The following DLGAP1 variants were observed in gnomAD, a reference collection of about 807,000 sequenced individuals.
DLGAP1 encodes the protein DLG associated protein 1.
DLGAP1 carries 11 observed loss-of-function variants against 90.8 expected under a neutral mutation model. The ratio of observed to expected loss-of-function variants is 0.12; its 90% CI spans 0.08 to 0.20. DLGAP1 has a LOEUF of 0.20. Among genes scored for constraint, DLGAP1 ranks in the 10% least tolerant of loss-of-function variants. The pLI is 1.00. For synonymous variants in DLGAP1, 558 were observed against 540.7 expected, an observed-to-expected ratio of 1.03 and a Z score of -0.44; for missense variants, 1,050 against 1,333.8, an observed-to-expected ratio of 0.79 and a Z score of 3.31.
At chr18:4,166,032 G>T (rs559153610) in intron 1 of DLGAP1, among the ~76,000 whole-genome samples, 1 of 152,112 alleles carries the variant, frequency 6.6e-6, no homozygotes, top group Non-Finnish European at 1.5e-5. Context: ...GGTGGCATGT[G>T]CCTGCAGTAC....
intron 2 of DLGAP1, among the ~76,000 whole-genome samples, chr18:4,047,739 T>C (rs1023711172): frequency 2.6e-5 from 4 of 152,214 alleles, no homozygotes; most frequent in Admixed American, 2.6e-4. Context: ...TGAATCTGCT[T>C]ATCACCTGTA....
intron 1 of DLGAP1, among the ~76,000 whole-genome samples, chr18:4,401,108 T>C (rs1394980285): frequency 6.6e-6 from 1 of 152,204 alleles, no homozygotes; most frequent in Non-Finnish European, 1.5e-5. Context: ...TGACACACTA[T>C]TACTAATGTC....
At chr18:4,345,736 C>T (rs2081291328) in intron 1 of DLGAP1, among the ~76,000 whole-genome samples, 1 of 152,210 alleles carries the variant, frequency 6.6e-6, no homozygotes, top group Non-Finnish European at 1.5e-5. Context: ...AATCGATGTT[C>T]AATGCCTTTT....
At chr18:3,562,369 C>T (rs915119611) in intron 9 of DLGAP1, among the ~76,000 whole-genome samples, 5 of 152,010 alleles carry the variant, frequency 3.3e-5, no homozygotes, top group African/African-American at 1.2e-4. Context: ...CAAATCTCAT[C>T]TTGAATTGTA....
chr18:4,024,536 C>T lies in DLGAP1; in HGVS notation c.-158-19335G>A, dbSNP rs367602257. ...AAATTCCCCTCTTAACACTTATGCT[C>T]GGAGTGACATGTCTGTTCGTGCTCA... is the stretch of plus-strand genomic sequence containing the variant. On this transcript the variant is annotated intron_variant, in intron 2 of 12. Coordinates refer to ENST00000315677, the MANE Select transcript of DLGAP1 (RefSeq NM_004746.4). Among the ~76,000 whole-genome samples the T allele has an allele frequency of 1.8e-4, 28 of 152,256 alleles. No individual in the cohort carries two copies. The East Asian group carries it at 1.9e-3, about 11-fold the overall frequency.
At chr18:4,426,196 C>G (rs2083148586) in intron 1 of DLGAP1, among the ~76,000 whole-genome samples, 2 of 152,174 alleles carry the variant, frequency 1.3e-5, no homozygotes, top group African/African-American at 2.4e-5. Context: ...GCTGCTGATC[C>G]TTTCTTGTAG....
intron 2 of DLGAP1, among the ~76,000 whole-genome samples, chr18:4,104,784 G>A (rs2143916545): frequency 6.6e-6 from 1 of 152,232 alleles, no homozygotes; most frequent in East Asian, 1.9e-4. Flanking sequence ...GTTGGTCCTG[G>A]TGACTCAACC....
At chr18:4,366,501 C>G (rs1382313961) in intron 1 of DLGAP1, among the ~76,000 whole-genome samples, 1 of 151,916 alleles carries the variant, frequency 6.6e-6, no homozygotes, top group Admixed American at 6.6e-5. Flanking sequence ...CTATCATGAT[C>G]TGTGGCCTTC....
intron 1 of DLGAP1, among the ~76,000 whole-genome samples, chr18:4,279,502 CT>C (rs2079499687): frequency 6.6e-6 from 1 of 152,162 alleles, no homozygotes; most frequent in East Asian, 1.9e-4. Flanking sequence ...AAACCGTTGA[CT>C]GAATCTTGGT....
chr18:4,050,877 G>C (rs150516258), intron 2 of DLGAP1, among the ~76,000 whole-genome samples: 100 of 152,276 alleles, frequency 6.6e-4, no homozygotes, highest in South Asian at 1.9e-3. Flanking sequence ...ATTTTCCAAA[G>C]AACACTTAGA....
At chr18:4,125,154 T>C (rs1001143617) in intron 2 of DLGAP1, among the ~76,000 whole-genome samples, 5 of 152,200 alleles carry the variant, frequency 3.3e-5, no homozygotes, top group African/African-American at 7.2e-5. Context: ...CCAGGCATTA[T>C]GCCAGGCACT....
At chr18:3,849,294 C>G (rs1397340112) in intron 4 of DLGAP1, among the ~76,000 whole-genome samples, 1 of 152,140 alleles carries the variant, frequency 6.6e-6, no homozygotes, top group Non-Finnish European at 1.5e-5. Context: ...GCATGGGTCA[C>G]TACACTCTTA....
Position 4,137,570 on chromosome 18 carries a change from C to A in DLGAP1, c.-159+13610G>T, listed in dbSNP as rs1197477038. Among the ~76,000 whole-genome samples the A allele has an allele frequency of 3.9e-5, 6 of 152,102 alleles. No homozygotes were observed. The East Asian group carries it at 9.6e-4, about 24-fold the overall frequency. On this transcript the variant is annotated intron_variant, in intron 2 of 12. Coordinates refer to ENST00000315677, the MANE Select transcript of DLGAP1 (RefSeq NM_004746.4). ...TTGAAGTCAGGTAATGTGATTCCTCCAGCTTTGTTCTTTTTGCTCAAGACA... is the reference window on the plus strand; with the variant it reads ...TTGAAGTCAGGTAATGTGATTCCTCAAGCTTTGTTCTTTTTGCTCAAGACA...
intron 1 of DLGAP1, among the ~76,000 whole-genome samples, chr18:4,415,042 C>T (rs1462820434): frequency 1.6e-5 from 2 of 123,890 alleles, no homozygotes; most frequent in African/African-American, 6.3e-5. Context: ...TATATATACA[C>T]ACACACACAC....
intron 2 of DLGAP1, among the ~76,000 whole-genome samples, chr18:4,043,264 GGACCTTATGCAAATGTAGAAAATGACAA>G (rs1395642932): frequency 1.3e-5 from 2 of 152,148 alleles, no homozygotes; most frequent in Non-Finnish European, 2.9e-5. Context: ...CAGTCTGGCT[GGACCTTATGCAAATGTAGAAAATGACAA>G]GCTTGAAATT....
In DLGAP1 at chr18:3,582,142, G is replaced by A. The variant is rs2055561242; in HGVS notation, c.1698C>T (p.Ala566=). 9.9e-6 allele frequency: 16 copies of A among 1,613,978 alleles called. No homozygotes were observed. The highest frequency in any genetic ancestry group is 1.4e-5 in the Non-Finnish European group (16 of 1,180,004). ...SITAQSSTES[A]QDAYMDGQGQ... is the part of the protein sequence containing the mutation. ...CCTGTCCGTCCATGTAGGCATCCTGGGCTGACTCTGTGCTACTCTGGGCTG... is the reference window on the plus strand; with the variant it reads ...CCTGTCCGTCCATGTAGGCATCCTGAGCTGACTCTGTGCTACTCTGGGCTG... The change falls in exon 8 of 13, where the codon GCC becomes GCT. Residue 566 remains alanine (A), a synonymous_variant. Coordinates refer to ENST00000315677, the MANE Select transcript of DLGAP1 (RefSeq NM_004746.4).
intron 7 of DLGAP1, among the ~76,000 whole-genome samples, chr18:3,663,572 C>G (rs1192168700): frequency 6.6e-6 from 1 of 152,162 alleles, no homozygotes; most frequent in East Asian, 1.9e-4. Context: ...GATTTCCTAT[C>G]TCTTGTATAG....
At chr18:4,358,870 G>A (rs1311290865) in intron 1 of DLGAP1, among the ~76,000 whole-genome samples, 29 of 152,198 alleles carry the variant, frequency 1.9e-4, no homozygotes, top group Non-Finnish European at 4.4e-5. Flanking sequence ...GGAAGCCCAG[G>A]CTGGCACTCA....
In DLGAP1 at chr18:4,183,292, C is replaced by T. The variant is rs527920060; in HGVS notation, c.-266-32005G>A. ...AAAATAGACGAGTTTAACTCTAGTG[C>T]AAAATAAAATGACTTAACTGACAAT... On this transcript the variant is annotated intron_variant, in intron 1 of 12. Coordinates refer to ENST00000315677, the MANE Select transcript of DLGAP1 (RefSeq NM_004746.4). Among the ~76,000 whole-genome samples, 3 of 151,910 alleles carry T rather than the reference C, an allele frequency of 2.0e-5. No individual in the cohort carries two copies. The South Asian group carries it at 6.2e-4, about 32-fold the overall frequency.
Sources: gnomAD v4.1 joint callset for allele counts (sites outside exome capture counted in the v4.1 genomes callset) on GRCh38, gnomAD v4.1.1 for gene constraint, MANE v1.5 for transcripts, NCBI Gene and HGNC (gene_info 2026-07-23, HGNC 2026-07-21) for gene names.